WDR49: variants seen among roughly 807,000 people sequenced by gnomAD.
WDR49 encodes WD repeat domain 49.
A neutral mutation model predicts 119.5 loss-of-function variants in WDR49; 107 were observed. That is an observed-to-expected ratio of 0.90 (90% CI 0.77 to 1.05). The LOEUF is 1.05. WDR49 is among the 50% of genes least tolerant of loss of function. The probability of loss-of-function intolerance (pLI) is 0.00; values close to 1 mark genes in which losing one functional copy is unlikely to be tolerated. For missense variants in WDR49, 1,240 were observed against 1,220.5 expected (o/e 1.02, Z -0.24); for synonymous variants, 425 against 418.8 (o/e 1.01, Z -0.18).
chr3:167,544,796 C>T (rs1712069285), intron 10 of WDR49, among the ~76,000 whole-genome samples: 1 of 151,700 alleles, frequency 6.6e-6, no homozygotes, highest in Admixed American at 6.6e-5. Context: ...AGTTCATGAC[C>T]AAGAACCCAA....
intron 16 of WDR49, among the ~76,000 whole-genome samples, chr3:167,518,230 G>A (rs1424813480): frequency 7.9e-5 from 12 of 151,886 alleles, no homozygotes; most frequent in Admixed American, 2.6e-4. Flanking sequence ...ATGATTTACA[G>A]TCCTTTGGGT....
At chr3:167,483,541 A>G (rs1750806464) in intron 18 of WDR49, among the ~76,000 whole-genome samples, 1 of 152,138 alleles carries the variant, frequency 6.6e-6, no homozygotes, top group African/African-American at 2.4e-5. Flanking sequence ...GCAGGGGTGG[A>G]TCCCTGTTTC....
In WDR49 at chr3:167,653,565, C is replaced by T. The variant is rs577839390; in HGVS notation, c.-74-66G>A. 494 of 1,013,304 alleles carry T rather than the reference C, an allele frequency of 4.9e-4. 1 individual carries two copies. In the Middle Eastern group the frequency reaches 0.013, roughly 26 times the overall value. 62.8% of individuals were successfully genotyped at this position (1,013,304 alleles called of 1,614,324 possible). A position where few individuals can be genotyped will look rare whatever the true frequency, so the allele number is the denominator to read the frequency against. ...GAAAGTACAAACCTTTCAAGGCATA[C>T]GATCAGGAGGCAAAATGTTCAAGCT... On this transcript the variant is annotated intron_variant, in intron 1 of 18. Coordinates refer to ENST00000682715, the MANE Select transcript of WDR49 (RefSeq NM_001366157.1).
chr3:167,583,460 C>T (rs1560297584), intron 7 of WDR49, among the ~76,000 whole-genome samples: 2 of 151,748 alleles, frequency 1.3e-5, no homozygotes, highest in African/African-American at 2.4e-5. Context: ...TTTGGGAGGC[C>T]GAGGTGGGAA....
intron 18 of WDR49, among the ~76,000 whole-genome samples, chr3:167,498,035 T>C (rs1751426564): frequency 1.3e-5 from 2 of 151,828 alleles, no homozygotes; most frequent in African/African-American, 4.8e-5. Flanking sequence ...AGAAACAGAG[T>C]TTCACCATGT....
chr3:167,566,090 A>G (rs1713580443), intron 8 of WDR49, among the ~76,000 whole-genome samples: 1 of 152,190 alleles, frequency 6.6e-6, no homozygotes, highest in South Asian at 2.1e-4. Flanking sequence ...ATCTACTTCT[A>G]AAAACAGTTG....
chr3:167,517,094 T>G (rs965368062), intron 16 of WDR49, among the ~76,000 whole-genome samples: 21 of 152,212 alleles, frequency 1.4e-4, no homozygotes, highest in South Asian at 2.1e-4. Context: ...TGTGGGTAAA[T>G]AGGAACACTT....
chr3:167,529,931 A>C (rs1752783336), intron 13 of WDR49, among the ~76,000 whole-genome samples: 1 of 152,064 alleles, frequency 6.6e-6, no homozygotes, highest in South Asian at 2.1e-4. Flanking sequence ...AGTTTGCTTC[A>C]CAAATGTACT....
intron 9 of WDR49, 117 bp downstream of exon 9, chr3:167,559,947 C>A (rs1713162207): frequency 9.2e-7 from 1 of 1,086,048 alleles, no homozygotes. Context: ...TACCATGTCT[C>A]ATTTCTCTTC....
chr3:167,485,113 T>C (rs972967766), intron 18 of WDR49, among the ~76,000 whole-genome samples: 5 of 152,118 alleles, frequency 3.3e-5, no homozygotes, highest in African/African-American at 7.2e-5. Context: ...AAACACCACA[T>C]GTTCTCACTC....
At chr3:167,497,921 G>A (rs570672760) in intron 18 of WDR49, among the ~76,000 whole-genome samples, 3 of 136,132 alleles carry the variant, frequency 2.2e-5, no homozygotes, top group South Asian at 4.5e-4. Context: ...GCACAATTTC[G>A]GCCTCCACCT....
chr3:167,561,248 G>A (rs7628302), intron 8 of WDR49, among the ~76,000 whole-genome samples: 7,683 of 152,180 alleles, frequency 0.05, 210 homozygotes, highest in Middle Eastern at 0.092. Flanking sequence ...ACAGCCACTT[G>A]CATAACATCC....
intron 16 of WDR49, among the ~76,000 whole-genome samples, chr3:167,516,349 G>T (rs1181707413): frequency 6.7e-6 from 1 of 149,952 alleles, no homozygotes; most frequent in Non-Finnish European, 1.5e-5. Context: ...AACATGTGGT[G>T]TTTGGTTTTT....
At chr3:167,654,504 A>T (rs890847865), upstream of WDR49, among the ~76,000 whole-genome samples, 1 of 152,226 alleles carries the variant, frequency 6.6e-6, no homozygotes, top group Non-Finnish European at 1.5e-5. Context: ...TTGAGTATTA[A>T]CCATGTGCCA....
intron 7 of WDR49, among the ~76,000 whole-genome samples, chr3:167,593,282 T>C (rs1171953678): frequency 2.6e-5 from 4 of 152,012 alleles, no homozygotes; most frequent in African/African-American, 9.7e-5. Context: ...AAGGTGTGCT[T>C]CATTCATTTT....
At chr3:167,633,488 C>A (rs1247801889) in intron 2 of WDR49, 3 of 456,198 alleles carry the variant, frequency 6.6e-6, no homozygotes, top group Non-Finnish European at 1.3e-5. Context: ...TCTGTCTTGT[C>A]TTTAGCCACT....
rs1450602734 is a variant in WDR49, at chr3:167,560,186, T to A, written c.1552A>T (p.Ile518Leu). The A allele has an allele frequency of 6.2e-7, 1 of 1,614,180 alleles. No individual in the cohort carries two copies. Among genetic ancestry groups the A allele is most frequent in the Admixed American group, 1.7e-5 (1 of 60,026 alleles). The change falls in exon 9 of 19, where the codon ATA becomes TTA. Residue 518 changes from isoleucine to leucine, a missense_variant. Transcript: ENST00000682715. ...TGTTTGATTTTCTGCCCAGTGTCTATCATCCAGAAGGAAACAGTAGACCCT... is the reference window on the plus strand; with the variant it reads ...TGTTTGATTTTCTGCCCAGTGTCTAACATCCAGAAGGAAACAGTAGACCCT... ...DTGSTVSFWMIDTGQKIKQFT... is the reference protein window; with the variant it reads ...DTGSTVSFWMLDTGQKIKQFT...
intron 2 of WDR49, among the ~76,000 whole-genome samples, chr3:167,641,374 T>C (rs1212570240): frequency 1.3e-5 from 2 of 151,936 alleles, no homozygotes; most frequent in Admixed American, 6.6e-5. Context: ...TACCACTTTT[T>C]CTGTGGTACT....
intron 16 of WDR49, among the ~76,000 whole-genome samples, chr3:167,512,027 T>C (rs1751995570): frequency 6.6e-6 from 1 of 152,166 alleles, no homozygotes. Context: ...CCTTTCCTTC[T>C]GCTGGCTCTG....
Sources: allele counts gnomAD v4.1 joint callset (sites outside exome capture counted in the v4.1 genomes callset), GRCh38; gene constraint gnomAD v4.1.1; transcripts MANE v1.5; gene names NCBI Gene and HGNC (gene_info 2026-07-23, HGNC 2026-07-21).